IMPDH1: variants seen among roughly 807,000 people sequenced by gnomAD.
The protein encoded by IMPDH1 is inosine monophosphate dehydrogenase 1, also known as inosine-5'-monophosphate dehydrogenase 1.
In IMPDH1, 41 loss-of-function variants were observed where a neutral mutation model predicts 73.5. That is an observed-to-expected ratio of 0.56 (90% CI 0.43 to 0.72). The LOEUF (loss-of-function observed/expected upper bound fraction) is 0.72. Ranked by LOEUF, IMPDH1 falls within the 30% of genes least tolerant of loss-of-function variation. IMPDH1 has a pLI of 0.00. For synonymous variants in IMPDH1, 318 were observed against 334.3 expected, an observed-to-expected ratio of 0.95 and a Z score of 0.53; for missense variants, 645 against 824.8, an observed-to-expected ratio of 0.78 and a Z score of 2.67.
In IMPDH1 at chr7:128,392,904, C is replaced by A; in HGVS notation, c.*103G>T. 8.6e-7 allele frequency: 1 copy of A among 1,157,400 alleles called. No individual in the cohort carries two copies. Among genetic ancestry groups the A allele is most frequent in the Admixed American group, 1.7e-5 (1 of 58,666 alleles). The allele number at this position is 1,157,400 out of a possible 1,614,324, so 71.7% of individuals were successfully genotyped here. ...TCTGCCTGGAAAGGAGCTGGAGAAC[C>A]CGTAGTGCAAATCTGTGGACCACTC... is the stretch of plus-strand genomic sequence containing the variant. On this transcript the variant is annotated 3_prime_UTR_variant, in exon 17 of 17. Transcript: ENST00000338791.
At chr7:128,407,670 C>A (rs936065529) in intron 3 of IMPDH1, among the ~76,000 whole-genome samples, 1 of 152,192 alleles carries the variant, frequency 6.6e-6, no homozygotes, top group African/African-American at 2.4e-5. Flanking sequence ...GCCCAGTGGT[C>A]TCTCTGGGTT....
rs1798299479 is a variant in IMPDH1, at chr7:128,401,037, G to A, written c.482C>T (p.Ala161Val). 15 of 1,613,882 alleles carry A rather than the reference G, an allele frequency of 9.3e-6. No individual in the cohort carries two copies. Among genetic ancestry groups the A allele is most frequent in the Non-Finnish European group, 1.2e-5 (14 of 1,179,884 alleles). ...CACAGCCATGGCAATGGCCATGTCA[G>A]CCTCTGTCACAGTGTCCATGGGGGA... Reference protein sequence around the residue: ...ISSPMDTVTEADMAIAMALMG... With the variant: ...ISSPMDTVTEVDMAIAMALMG... Residue 161 changes from alanine to valine, a missense_variant, in exon 6 of 17, where the codon GCT becomes GTT. By Grantham distance (64) the Ala-to-Val change is moderately conservative. Around this residue, in one of 2 missense-constraint regions of IMPDH1, gnomAD observed 459 missense variants for 638.2 expected, o/e 0.72. Transcript: ENST00000338791.
chr7:128,397,983 A>C (rs771383997), intron 10 of IMPDH1, among the ~76,000 whole-genome samples: 8 of 152,070 alleles, frequency 5.3e-5, no homozygotes, highest in Non-Finnish European at 1.0e-4. Flanking sequence ...GAGGGCATGC[A>C]GTATTTGGTT....
chr7:128,403,891 C>A (rs1798519064), intron 4 of IMPDH1, 137 bp from the exon 5 acceptor site: 7 of 768,956 alleles, frequency 9.1e-6, no homozygotes, highest in Non-Finnish European at 1.6e-5. Flanking sequence ...ATCCCTACTG[C>A]CCCATCAGGG....
In IMPDH1 at chr7:128,396,629, C is replaced by G; in HGVS notation, c.1232G>C (p.Gly411Ala). 1 of 1,555,604 alleles carries G rather than the reference C, an allele frequency of 6.4e-7. No homozygotes were observed. Among genetic ancestry groups the G allele is most frequent in the Non-Finnish European group, 8.7e-7 (1 of 1,148,956 alleles). ...AGVDGLRVGM[G>A]CGSICITQEV... ...CTGGGTGATGCAGATGGAGCCGCAG[C>G]CCATGCCCACGCGCAGCCCGTCCAC... The change falls in exon 12 of 17, where the codon GGC (glycine) becomes GCC (alanine). Residue 411 changes from glycine to alanine, a missense_variant. Gly to Ala is a moderately conservative substitution (Grantham distance 60). Coordinates refer to ENST00000338791, the MANE Select transcript of IMPDH1 (RefSeq NM_000883.4). The surrounding 1 kb of genome is among the most constrained non-coding windows in gnomAD (Gnocchi z 4.0).
In IMPDH1 at chr7:128,395,007, T is replaced by G; in HGVS notation, c.1432A>C (p.Thr478Pro). Residue 478 changes from threonine (T) to proline (P), a missense_variant, in exon 14 of 17, where the codon ACT becomes CCT. Transcript: ENST00000338791. ...AAGTACTCGCCAGGGGCCTCCGTAGTGGCGGCCAGCAGGGAGCCCATCATC... is the reference window on the plus strand; with the variant it reads ...AAGTACTCGCCAGGGGCCTCCGTAGGGGCGGCCAGCAGGGAGCCCATCATC... ...TVMMGSLLAA[T>P]TEAPGEYFFS... 1.9e-6 allele frequency: 3 copies of G among 1,614,062 alleles called. No homozygotes were observed. The highest frequency in any genetic ancestry group is 2.5e-6 in the Non-Finnish European group (3 of 1,180,028).
At position 128,400,804 on chromosome 7, in the gene IMPDH1, G is replaced by T; in HGVS notation, c.579+13C>A. The T allele has an allele frequency of 1.2e-6, 2 of 1,612,780 alleles. No homozygotes were observed. The highest frequency in any genetic ancestry group is 1.7e-6 in the Non-Finnish European group (2 of 1,178,902). ...CCAGGTGGCATCTTGCTGGGGACAG[G>T]CCTGGTACTTGCCTTGACCTTCCGC... On this transcript the variant is annotated intron_variant, in intron 7 of 16. Transcript: ENST00000338791.
In IMPDH1 at chr7:128,398,385, C is replaced by A; in HGVS notation, c.1074+29G>T. 1 of 1,588,532 alleles carries A rather than the reference C, an allele frequency of 6.3e-7. No homozygotes were observed. The highest frequency in any genetic ancestry group is 8.6e-7 in the Non-Finnish European group (1 of 1,158,272). On this transcript the variant is annotated intron_variant, in intron 10 of 16. Transcript: ENST00000338791. This position sits in a 1 kb window ranked among gnomAD's most constrained non-coding sequence, Gnocchi z 4.3. ...CCACTCTGCTGAACCACTCATCCAT[C>A]TCCCCCACCACTCAGGCGGGGGCCT...
At chr7:128,403,309 G>A (rs1798464723) in intron 5 of IMPDH1, among the ~76,000 whole-genome samples, 1 of 152,206 alleles carries the variant, frequency 6.6e-6, no homozygotes, top group African/African-American at 2.4e-5. Context: ...TGTAATCACA[G>A]CGTCTTCGGA....
intron 12 of IMPDH1, among the ~76,000 whole-genome samples, chr7:128,395,660 A>G (rs1349627981): frequency 6.6e-6 from 1 of 152,214 alleles, no homozygotes; most frequent in East Asian, 1.9e-4. Flanking sequence ...ACTGGTTTGC[A>G]TTTCTTCAAG....
At position 128,394,265 on chromosome 7, in the gene IMPDH1, C is replaced by T. The variant is rs1797744496; in HGVS notation, c.1778+13G>A. On this transcript the variant is annotated intron_variant, in intron 16 of 16. Transcript: ENST00000338791. The surrounding 1 kb of genome is among the most constrained non-coding windows in gnomAD (Gnocchi z 5.5). ...CTGCCTCCAAGTGACAGCAAGGAGG[C>T]CACCACACTTACGAGTGCAGGCCAT... 5 of 1,611,350 alleles carry T rather than the reference C, an allele frequency of 3.1e-6. No individual in the cohort carries two copies. Among genetic ancestry groups the T allele is most frequent in the Non-Finnish European group, 3.4e-6 (4 of 1,177,764 alleles).
chr7:128,405,135 A>T (rs899075357), intron 4 of IMPDH1, among the ~76,000 whole-genome samples: 1 of 152,230 alleles, frequency 6.6e-6, no homozygotes, highest in African/African-American at 2.4e-5. Context: ...TGGCCTAGGG[A>T]CCACGGAAAA....
chr7:128,396,974 T>C lies in IMPDH1; in HGVS notation c.1123A>G (p.Ile375Val). The C allele has an allele frequency of 6.2e-7, 1 of 1,614,012 alleles. No individual in the cohort carries two copies. The highest frequency in any genetic ancestry group is 1.1e-5 in the South Asian group (1 of 91,086). ...TGGAGGTGGGGGTACTTCTGTTTGATGTAATGCACCATGGCGATCTGATAC... is the reference window on the plus strand; with the variant it reads ...TGGAGGTGGGGGTACTTCTGTTTGACGTAATGCACCATGGCGATCTGATAC... ...SVYQIAMVHY[I>V]KQKYPHLQVI... Residue 375 changes from isoleucine (I) to valine (V), a missense_variant, in exon 11 of 17, where the codon ATC becomes GTC. Transcript: ENST00000338791. The surrounding 1 kb of genome is among the most constrained non-coding windows in gnomAD (Gnocchi z 4.0).
At chr7:128,403,897 C>A in intron 4 of IMPDH1, 143 bp from the exon 5 acceptor site, 1 of 743,884 alleles carries the variant, frequency 1.3e-6, no homozygotes, top group Non-Finnish European at 2.4e-6. Flanking sequence ...ACTGCCCCAT[C>A]AGGGCAGTTC....
intron 6 of IMPDH1, 54 bp downstream of exon 6, chr7:128,400,961 C>T (rs1798292356): frequency 6.3e-7 from 1 of 1,598,460 alleles, no homozygotes; most frequent in Admixed American, 1.7e-5. Flanking sequence ...CAGCACAGCC[C>T]ACCATGGTCA....
chr7:128,397,104 C>T (rs1797975156), intron 10 of IMPDH1, 82 bp from the exon 11 acceptor site: 7 of 905,194 alleles, frequency 7.7e-6, no homozygotes, highest in Non-Finnish European at 1.3e-5. Flanking sequence ...GGATGAACCC[C>T]TCAAATCCTA....
chr7:128,403,411 A>C (rs748672155), intron 5 of IMPDH1, among the ~76,000 whole-genome samples: 10 of 152,064 alleles, frequency 6.6e-5, no homozygotes, highest in Non-Finnish European at 1.5e-4. Context: ...CACAAAAATT[A>C]TCGGGGGGTT....
At chr7:128,397,626 T>C (rs2116630054) in intron 10 of IMPDH1, among the ~76,000 whole-genome samples, 2 of 152,344 alleles carry the variant, frequency 1.3e-5, no homozygotes, top group East Asian at 1.9e-4. Context: ...TCTAGATGTA[T>C]GGTCCAGATC....
chr7:128,395,340 C>A, intron 12 of IMPDH1, 66 bp from the exon 13 acceptor site: 1 of 1,580,998 alleles, frequency 6.3e-7, no homozygotes, highest in East Asian at 2.2e-5. Flanking sequence ...TGGAGCGGGG[C>A]CAGCCCAGCT....
Sources: allele counts gnomAD v4.1 joint callset (sites outside exome capture counted in the v4.1 genomes callset), GRCh38; gene constraint gnomAD v4.1.1; regional missense constraint gnomAD v4.1.1; non-coding constraint Gnocchi (gnomAD v3.1); transcripts MANE v1.5; gene names NCBI Gene and HGNC (gene_info 2026-07-23, HGNC 2026-07-21).